KDM2B: variants seen among roughly 807,000 people sequenced by gnomAD.
The protein encoded by KDM2B is lysine-specific demethylase 2B.
KDM2B carries 26 observed loss-of-function variants against 150.0 expected under a neutral mutation model. The observed-to-expected ratio is 0.17, with a 90% CI of 0.13 to 0.24. The LOEUF (loss-of-function observed/expected upper bound fraction) is 0.24, where lower values mean the gene tolerates loss of function less well. Ranked by LOEUF, KDM2B falls within the 10% of genes least tolerant of loss-of-function variation. KDM2B has a pLI of 1.00. For missense variants in KDM2B, 1,265 were observed against 1,816.9 expected (o/e 0.70, Z 5.52); for synonymous variants, 734 against 729.5 (o/e 1.01, Z -0.10).
intron 12 of KDM2B, among the ~76,000 whole-genome samples, chr12:121,477,963 G>A (rs1881579604): frequency 6.7e-6 from 1 of 149,682 alleles, no homozygotes; most frequent in Non-Finnish European, 1.5e-5. Flanking sequence ...GGCTGGTCTT[G>A]AACTCCTGAG....
chr12:121,441,418 A>G (rs1485400166), intron 19 of KDM2B, among the ~76,000 whole-genome samples, 185 bp from the exon 20 acceptor site: 2 of 152,192 alleles, frequency 1.3e-5, no homozygotes, highest in East Asian at 1.9e-4. Context: ...TCTAACAGCC[A>G]TGGCCTCCAC....
the KDM2B span, among the ~76,000 whole-genome samples, chr12:121,421,456 G>C: frequency 6.6e-6 from 1 of 151,590 alleles, no homozygotes; most frequent in East Asian, 1.9e-4. Flanking sequence ...GGGAGGCTGA[G>C]GGGGGAGGAT....
At chr12:121,491,725 C>T (rs577675742) in intron 12 of KDM2B, among the ~76,000 whole-genome samples, 1 of 144,558 alleles carries the variant, frequency 6.9e-6, no homozygotes, top group Admixed American at 7.4e-5. Context: ...ACCCAGGAAG[C>T]GGAGGTGGCA....
intron 8 of KDM2B, among the ~76,000 whole-genome samples, chr12:121,531,481 G>A (rs1887655470): frequency 6.6e-6 from 1 of 152,112 alleles, no homozygotes; most frequent in Non-Finnish European, 1.5e-5. Context: ...CCTATCCTCT[G>A]GTCCAAGCTT....
At chr12:121,481,602 G>A (rs1555297871) in intron 12 of KDM2B, among the ~76,000 whole-genome samples, 1 of 152,084 alleles carries the variant, frequency 6.6e-6, no homozygotes. Flanking sequence ...CTCCTTTAAT[G>A]TGGGAAATAC....
In KDM2B at chr12:121,429,406, CTG is replaced by C. The variant is rs1555284841; in HGVS notation, c.*880_*881del. 1 of 152,806 alleles carries C rather than the reference CTG, an allele frequency of 6.5e-6. No individual in the cohort carries two copies. Among genetic ancestry groups the C allele is most frequent in the East Asian group, 1.9e-4 (1 of 5,202 alleles). The allele number at this position is 152,806 out of a possible 1,614,324, so 9.5% of individuals were successfully genotyped here. On this transcript the variant is annotated 3_prime_UTR_variant, in exon 23 of 23. Transcript: ENST00000377071. The stretch of plus-strand genomic sequence containing the variant: ...AGCATTTATTCTACGTCTTGACTCA[CTG>C]TATAAATTAGATCTATGTAAGTACA...
chr12:121,417,698 A>C, the KDM2B span: 1 of 1,614,230 alleles, frequency 6.2e-7, no homozygotes, highest in Non-Finnish European at 8.5e-7. The surrounding 1 kb of genome is among the most constrained non-coding windows in gnomAD (Gnocchi z 5.0). Flanking sequence ...GTCGTGAGAA[A>C]GAAGACTTGG....
intron 4 of KDM2B, among the ~76,000 whole-genome samples, chr12:121,563,108 G>A (rs781789274): frequency 1.3e-5 from 2 of 151,730 alleles, no homozygotes; most frequent in African/African-American, 2.4e-5. Context: ...GCTTAGGCCC[G>A]TGAGTTTGCG....
At chr12:121,410,966 A>G in the KDM2B span, among the ~76,000 whole-genome samples, 153 of 152,118 alleles carry the variant, frequency 1.0e-3, no homozygotes, top group South Asian at 0.024. Flanking sequence ...ACAGGGTCTC[A>G]CTCCGTCACC....
intron 6 of KDM2B, among the ~76,000 whole-genome samples, chr12:121,538,207 G>A (rs1703596718): frequency 6.6e-6 from 1 of 151,992 alleles, no homozygotes; most frequent in African/African-American, 2.4e-5. Flanking sequence ...AACGCGGGCC[G>A]GCGCCAGGAG....
the KDM2B span, chr12:121,420,412 A>C: frequency 2.0e-4 from 311 of 1,552,424 alleles, 4 homozygotes; most frequent in South Asian, 3.6e-3. Flanking sequence ...GACATTCGCT[A>C]GATTAGTACA....
At chr12:121,494,812 G>C (rs183748386) in intron 11 of KDM2B, 147 bp from the exon 12 acceptor site, 4 of 589,078 alleles carry the variant, frequency 6.8e-6, no homozygotes. Flanking sequence ...ACATTCAATA[G>C]AAACCAAGTC....
Position 121,513,924 on chromosome 12 carries a change from C to T in KDM2B, c.1048-522G>A, listed in dbSNP as rs1017528385. ...TTTGTTGGGAGGGAGGCCAGGCCAGCGGACCAATAAGAGTGAGGGGGTGTG... is the reference window on the plus strand; with the variant it reads ...TTTGTTGGGAGGGAGGCCAGGCCAGTGGACCAATAAGAGTGAGGGGGTGTG... On this transcript the variant is annotated intron_variant, in intron 9 of 22. Coordinates refer to ENST00000377071, the MANE Select transcript of KDM2B (RefSeq NM_032590.5). The surrounding 1 kb of genome is among the most constrained non-coding windows in gnomAD (Gnocchi z 5.0). Among the ~76,000 whole-genome samples the T allele has an allele frequency of 6.6e-6, 1 of 152,100 alleles. No individual in the cohort carries two copies. Among genetic ancestry groups the T allele is most frequent in the East Asian group, 1.9e-4 (1 of 5,194 alleles).
intron 7 of KDM2B, among the ~76,000 whole-genome samples, chr12:121,534,124 C>T (rs555222437): frequency 1.2e-3 from 190 of 152,144 alleles, no homozygotes; most frequent in Middle Eastern, 3.4e-3. Context: ...CCAAGGCGGG[C>T]GGATCACGAG....
At chr12:121,556,135 C>T (rs1288200980) in intron 4 of KDM2B, among the ~76,000 whole-genome samples, 1 of 152,056 alleles carries the variant, frequency 6.6e-6, no homozygotes, top group Non-Finnish European at 1.5e-5. Flanking sequence ...CCATGTTGGC[C>T]AGGCTGGTCT....
chr12:121,494,407 C>T (rs1197605391), intron 12 of KDM2B, 172 bp downstream of exon 12: 2 of 567,428 alleles, frequency 3.5e-6, no homozygotes, highest in East Asian at 3.1e-5. Flanking sequence ...GGTAAAGCAA[C>T]CCCCTTTTAA....
At chr12:121,476,265 A>G (rs571774166) in intron 12 of KDM2B, among the ~76,000 whole-genome samples, 1 of 152,044 alleles carries the variant, frequency 6.6e-6, no homozygotes, top group East Asian at 1.9e-4. Flanking sequence ...ATTACACTCC[A>G]GCCTGAAGGA....
chr12:121,566,420 G>A (rs1328723348), intron 4 of KDM2B, among the ~76,000 whole-genome samples: 2 of 151,988 alleles, frequency 1.3e-5, no homozygotes, highest in Admixed American at 6.6e-5. Context: ...CCAGGAGTTC[G>A]AGACCATCCT....
At chr12:121,581,693 G>A (rs1555318114), upstream of KDM2B, among the ~76,000 whole-genome samples, 1 of 152,180 alleles carries the variant, frequency 6.6e-6, no homozygotes, top group Non-Finnish European at 1.5e-5. Flanking sequence ...TGGGATACTT[G>A]GAGCAGGTCA....
Sources: allele counts gnomAD v4.1 joint callset (sites outside exome capture counted in the v4.1 genomes callset), GRCh38; gene constraint gnomAD v4.1.1; non-coding constraint Gnocchi (gnomAD v3.1); transcripts MANE v1.5; gene names NCBI Gene and HGNC (gene_info 2026-07-23, HGNC 2026-07-21).